IQCJ: variants seen among roughly 807,000 people sequenced by gnomAD.
IQCJ encodes the protein IQ domain-containing protein J.
IQCJ carries 9 observed loss-of-function variants against 11.0 expected under a neutral mutation model. That is an observed-to-expected ratio of 0.82 (90% CI 0.49 to 1.43). IQCJ has a LOEUF of 1.43. Among genes scored for constraint, IQCJ ranks in the 40% most tolerant of loss-of-function variants. The pLI is 0.00. For missense variants in IQCJ, 146 were observed against 133.2 expected, an observed-to-expected ratio of 1.10 and a Z score of -0.47; for synonymous variants, 55 against 51.3, an observed-to-expected ratio of 1.07 and a Z score of -0.31.
At chr3:159,088,118 G>A (rs1716937121) in intron 1 of IQCJ, among the ~76,000 whole-genome samples, 1 of 152,036 alleles carries the variant, frequency 6.6e-6, no homozygotes, top group Non-Finnish European at 1.5e-5. Context: ...GGTATGTTGT[G>A]TCTTTGTTCT....
intron 1 of IQCJ, among the ~76,000 whole-genome samples, chr3:159,092,264 G>C (rs548604991): frequency 2.6e-5 from 4 of 151,856 alleles, no homozygotes; most frequent in Non-Finnish European, 4.4e-5. Flanking sequence ...CCAGAATGTG[G>C]GATATTTTGT....
At chr3:159,217,057 C>A (rs1455465041) in intron 1 of IQCJ, among the ~76,000 whole-genome samples, 2 of 152,014 alleles carry the variant, frequency 1.3e-5, no homozygotes, top group African/African-American at 4.8e-5. Context: ...TAAAATCTTG[C>A]AGATAATGCC....
At chr3:159,140,704 G>A (rs1264525042) in intron 1 of IQCJ, among the ~76,000 whole-genome samples, 3 of 152,130 alleles carry the variant, frequency 2.0e-5, no homozygotes, top group African/African-American at 7.2e-5. Context: ...TGAATCATTA[G>A]GCATGTTGTT....
chr3:159,110,515 A>G (rs1183955460), intron 1 of IQCJ, among the ~76,000 whole-genome samples: 1 of 152,084 alleles, frequency 6.6e-6, no homozygotes, highest in African/African-American at 2.4e-5. Context: ...ACCCAGACAC[A>G]ATGATTTGTT....
chr3:159,134,549 G>T lies in IQCJ; in HGVS notation c.9+65108G>T, dbSNP rs144117103. ...GTGACCAGAACCACATTTATACAAA[G>T]AAGAGTATACATCATTTATAGAAAG... On this transcript the variant is annotated intron_variant, in intron 1 of 3. Coordinates refer to ENST00000397832, the MANE Select transcript of IQCJ (RefSeq NM_001042706.3). Among the ~76,000 whole-genome samples, 10 of 152,270 alleles carry T rather than the reference G, an allele frequency of 6.6e-5. No individual in the cohort carries two copies. The East Asian group carries it at 1.7e-3, about 27-fold the overall frequency.
chr3:159,093,446 T>A (rs1717489326), intron 1 of IQCJ, among the ~76,000 whole-genome samples: 1 of 151,830 alleles, frequency 6.6e-6, no homozygotes, highest in Admixed American at 6.5e-5. Flanking sequence ...TTGTCAAGAT[T>A]TGGCTCCCAC....
At chr3:159,152,269 T>G (rs1721272216) in intron 1 of IQCJ, among the ~76,000 whole-genome samples, 2 of 152,154 alleles carry the variant, frequency 1.3e-5, no homozygotes, top group South Asian at 4.1e-4. Context: ...CACTGTGGCA[T>G]CAGGGGGAGT....
intron 1 of IQCJ, among the ~76,000 whole-genome samples, chr3:159,129,662 A>G (rs1465101281): frequency 1.3e-5 from 2 of 152,218 alleles, no homozygotes; most frequent in African/African-American, 2.4e-5. Flanking sequence ...GGTCTAAAAG[A>G]AAAACCTCAT....
chr3:159,120,017 T>C (rs1463610767), intron 1 of IQCJ, among the ~76,000 whole-genome samples: 1 of 152,244 alleles, frequency 6.6e-6, no homozygotes, highest in Non-Finnish European at 1.5e-5. Context: ...TTTTTGTGCA[T>C]GCCTTCAATA....
At chr3:159,246,780 C>CT (rs2108198869) in intron 2 of IQCJ, among the ~76,000 whole-genome samples, 1 of 152,294 alleles carries the variant, frequency 6.6e-6, no homozygotes, top group South Asian at 2.1e-4. Flanking sequence ...AATGTAATAG[C>CT]TGTCCTCAAA....
intron 1 of IQCJ, among the ~76,000 whole-genome samples, chr3:159,173,089 C>T (rs186386103): frequency 1.2e-3 from 176 of 152,244 alleles, no homozygotes; most frequent in African/African-American, 4.0e-3. Flanking sequence ...ACTTTCCAGA[C>T]CTTTTTATTA....
intron 1 of IQCJ, among the ~76,000 whole-genome samples, chr3:159,237,593 C>T (rs1726669596): frequency 6.6e-6 from 1 of 152,224 alleles, no homozygotes; most frequent in Admixed American, 6.5e-5. Flanking sequence ...ACTCATAACA[C>T]AGACTTCATT....
intron 1 of IQCJ, among the ~76,000 whole-genome samples, chr3:159,125,419 G>A (rs909115530): frequency 3.9e-5 from 6 of 152,170 alleles, no homozygotes; most frequent in Non-Finnish European, 7.4e-5. Context: ...TTTAGGTAAA[G>A]ACTAAGAAAA....
chr3:159,206,707 T>C (rs1209758977), intron 1 of IQCJ, among the ~76,000 whole-genome samples: 1 of 152,218 alleles, frequency 6.6e-6, no homozygotes, highest in African/African-American at 2.4e-5. Context: ...TCTTAAGCTT[T>C]TCTTTTAATT....
intron 1 of IQCJ, among the ~76,000 whole-genome samples, chr3:159,216,019 A>G (rs1725206406): frequency 6.8e-6 from 1 of 146,524 alleles, no homozygotes; most frequent in Non-Finnish European, 1.5e-5. Flanking sequence ...TGTCTCTCTA[A>G]CTGTAAGATT....
intron 1 of IQCJ, among the ~76,000 whole-genome samples, chr3:159,107,741 G>C (rs1339183975): frequency 6.6e-6 from 1 of 152,158 alleles, no homozygotes; most frequent in Non-Finnish European, 1.5e-5. Flanking sequence ...TGAAGAAACT[G>C]ACGTACAGAG....
At chr3:159,079,887 A>T (rs1329557037) in intron 1 of IQCJ, among the ~76,000 whole-genome samples, 1 of 152,064 alleles carries the variant, frequency 6.6e-6, no homozygotes, top group Non-Finnish European at 1.5e-5. Context: ...AATTCCTAAA[A>T]GTGGAATTTT....
intron 1 of IQCJ, among the ~76,000 whole-genome samples, chr3:159,151,589 C>G (rs1363643183): frequency 6.6e-6 from 1 of 152,178 alleles, no homozygotes; most frequent in Non-Finnish European, 1.5e-5. Context: ...TCTCAGTTTC[C>G]TTCCCAAAAA....
At chr3:159,194,819 A>C (rs1723889882) in intron 1 of IQCJ, among the ~76,000 whole-genome samples, 1 of 152,208 alleles carries the variant, frequency 6.6e-6, no homozygotes, top group Non-Finnish European at 1.5e-5. Flanking sequence ...CAGGATTTAA[A>C]TTCTGTATCA....
Sources: allele counts gnomAD v4.1 joint callset (sites outside exome capture counted in the v4.1 genomes callset), GRCh38; gene constraint gnomAD v4.1.1; transcripts MANE v1.5; gene names NCBI Gene and HGNC (gene_info 2026-07-23, HGNC 2026-07-21).